Variants in IDH3G observed in about 807,000 individuals in gnomAD.
IDH3G encodes isocitrate dehydrogenase (NAD(+)) 3 non-catalytic subunit gamma, also known as isocitrate dehydrogenase [NAD] subunit gamma, mitochondrial.
Under a neutral mutation model 26.9 loss-of-function variants are expected in IDH3G, and 9 were observed. The ratio of observed to expected loss-of-function variants is 0.34; its 90% confidence interval spans 0.20 to 0.58. The LOEUF (loss-of-function observed/expected upper bound fraction) is 0.58, where lower values mean the gene tolerates loss of function less well. IDH3G is among the 20% of genes least tolerant of loss of function. The probability of loss-of-function intolerance (pLI) is 0.85; values close to 1 mark genes in which losing one functional copy is unlikely to be tolerated. For missense variants in IDH3G, 250 were observed against 372.8 expected (o/e 0.67, Z 2.71); for synonymous variants, 181 against 160.0 (o/e 1.13, Z -0.99).
intron 10 of IDH3G, 28 bp downstream of exon 10, chrX:153,786,773 A>T: frequency 8.4e-7 from 1 of 1,190,810 alleles, no homozygotes. Context: ...GAAAGGCGGC[A>T]AGCCGCGGCA....
At chrX:153,790,982 C>T in intron 1 of IDH3G, 131 bp from the exon 2 acceptor site, 1 of 541,891 alleles carries the variant, frequency 1.8e-6, no homozygotes, top group Non-Finnish European at 3.1e-6. Flanking sequence ...CTGCCAGGGG[C>T]ACAATAGATA....
At chrX:153,791,882 C>T (rs1218938810) in intron 1 of IDH3G, among the ~76,000 whole-genome samples, 1 of 112,330 alleles carries the variant, frequency 8.9e-6, no homozygotes, top group Non-Finnish European at 1.9e-5. Context: ...ACCAGAGCCC[C>T]GAGGATAGCT....
At chrX:153,794,094 C>A (rs2092122045) in intron 1 of IDH3G, 152 bp downstream of exon 1, 1 of 598,701 alleles carries the variant, frequency 1.7e-6, no homozygotes, top group South Asian at 3.2e-5. Flanking sequence ...CCCTCAGTGA[C>A]AGCGGAGGCG....
At position 153,786,342 on chromosome X, in the gene IDH3G, G is replaced by A. The variant is rs1045613358; in HGVS notation, c.1019+13C>T. 4.1e-6 allele frequency: 5 copies of A among 1,206,602 alleles called. No individual in the cohort carries two copies. The Admixed American group carries it at 1.1e-4, about 26-fold the overall frequency. ...GCTGGCCAGGGGCTTGCGGGGCACTGGGAGCCACTCACTTGAGGTGGTCCA... is the reference window on the plus strand; with the variant it reads ...GCTGGCCAGGGGCTTGCGGGGCACTAGGAGCCACTCACTTGAGGTGGTCCA... On this transcript the variant is annotated intron_variant, in intron 11 of 12. Coordinates refer to ENST00000217901, the MANE Select transcript of IDH3G (RefSeq NM_004135.4).
chrX:153,790,741 C>T (rs1021962500), intron 2 of IDH3G, 69 bp downstream of exon 2: 2 of 1,106,577 alleles, frequency 1.8e-6, no homozygotes, highest in Non-Finnish European at 2.5e-6. Flanking sequence ...GGACACAGGC[C>T]GTGCACACAC....
At chrX:153,786,146 G>A (rs782568517) in intron 12 of IDH3G, 66 bp downstream of exon 12, 22 of 1,200,767 alleles carry the variant, frequency 1.8e-5, no homozygotes, top group African/African-American at 7.0e-5. Context: ...TGCATGAGGC[G>A]GGCTACAGGA....
chrX:153,789,133 C>T (rs1557069841), intron 5 of IDH3G: 1 of 342,682 alleles, frequency 2.9e-6, no homozygotes, highest in Non-Finnish European at 5.9e-6. Context: ...AGCATCGCAG[C>T]GCAAACAGGC....
chrX:153,787,670 C>A, intron 7 of IDH3G, 73 bp from the exon 8 acceptor site: 3 of 1,161,750 alleles, frequency 2.6e-6, no homozygotes, highest in Non-Finnish European at 3.5e-6. Flanking sequence ...CTGGCGCGAC[C>A]GGGCCACCGT....
Position 153,787,129 on chromosome X carries a change from G to C in IDH3G, c.699C>G (p.Leu233=), listed in dbSNP as rs1353113492. ...NIMKLGDGLF[L]QCCREVAARY... ...GGGCTGCCACCTCCCTGCAGCACTG[G>C]AGGAAAAGCCCATCGCCCAGTTTCC... is the stretch of plus-strand genomic sequence containing the variant. Residue 233 remains leucine (L), a synonymous_variant, in exon 9 of 13, where the codon CTC becomes CTG. Coordinates refer to ENST00000217901, the MANE Select transcript of IDH3G (RefSeq NM_004135.4). The C allele has an allele frequency of 8.3e-6, 10 of 1,207,726 alleles. No homozygotes were observed. The highest frequency in any genetic ancestry group is 1.1e-5 in the Non-Finnish European group (10 of 892,813).
Position 153,787,530 on chromosome X carries a change from T to C in IDH3G, c.608A>G (p.Tyr203Cys). The change falls in exon 8 of 13, where the codon TAT (tyrosine) becomes TGT (cysteine). Residue 203 changes from tyrosine (Y) to cysteine (C), a missense_variant. Physicochemically the swap from Tyr to Cys is radical, Grantham distance 194. Transcript: ENST00000217901. ...TKAKSLRIAE[Y>C]AFKLAQESGR... is the part of the protein sequence containing the mutation. ...GCTCTCCTGCGCCAGCTTGAAGGCA[T>C]ACTCGGCAATGCGCAGGGACTTGGC... The C allele has an allele frequency of 1.7e-6, 2 of 1,211,346 alleles. No homozygotes were observed. The highest frequency in any genetic ancestry group is 2.2e-6 in the Non-Finnish European group (2 of 895,266).
At chrX:153,788,363 G>A (rs1381582844) in intron 5 of IDH3G, among the ~76,000 whole-genome samples, 5 of 112,918 alleles carry the variant, frequency 4.4e-5, no homozygotes, top group African/African-American at 1.6e-4. Flanking sequence ...ACGACGGAAT[G>A]AACAAGTCAA....
chrX:153,785,855 A>G lies in IDH3G; in HGVS notation c.*17T>C, dbSNP rs782658006. On this transcript the variant is annotated 3_prime_UTR_variant, in exon 13 of 13. Transcript: ENST00000217901. ...AGGGGAATCCAAGGAGCAAACCAAG[A>G]AGGTCCTAGGGCCAGCCTAGGCCTC... The G allele has an allele frequency of 4.1e-6, 5 of 1,207,372 alleles. No homozygotes were observed. The highest frequency in any genetic ancestry group is 4.5e-6 in the Non-Finnish European group (4 of 893,419).
intron 5 of IDH3G, among the ~76,000 whole-genome samples, chrX:153,788,665 G>A (rs1413306854): frequency 1.8e-5 from 2 of 113,015 alleles, no homozygotes; most frequent in African/African-American, 6.4e-5. Flanking sequence ...GTCAGAGGGC[G>A]CCAAGCAGAG....
chrX:153,789,216 T>G, intron 5 of IDH3G: 1 of 341,987 alleles, frequency 2.9e-6, no homozygotes, highest in South Asian at 2.6e-5. Flanking sequence ...ATCAGAGCCG[T>G]GGGGCCCCAC....
rs1557071361 is a variant in IDH3G at position 153,794,294 on chromosome X, G to A, written c.33C>T (p.Ser11=). 8.3e-7 allele frequency: 1 copy of A among 1,198,380 alleles called. No individual in the cohort carries two copies. Among genetic ancestry groups the A allele is most frequent in the Admixed American group, 2.2e-5 (1 of 45,777 alleles). ...CTGGCCCGAGCACCGCCTTCGCGGC[G>A]CTGCCGGCGACGGTCGCTACCTTCA... MALKVATVAG[S]AAKAVLGPAL... The change falls in exon 1 of 13, where the codon AGC becomes AGT. Residue 11 remains serine (S), a synonymous_variant. Coordinates refer to ENST00000217901, the MANE Select transcript of IDH3G (RefSeq NM_004135.4).
rs1464860671 is a variant in IDH3G, at chrX:153,785,863, A to G, written c.*9T>C. 1.7e-6 allele frequency: 2 copies of G among 1,208,920 alleles called. No homozygotes were observed. Among genetic ancestry groups the G allele is most frequent in the African/African-American group, 3.5e-5 (2 of 57,363 alleles). On this transcript the variant is annotated 3_prime_UTR_variant, in exon 13 of 13. Coordinates refer to ENST00000217901, the MANE Select transcript of IDH3G (RefSeq NM_004135.4). ...CCAAGGAGCAAACCAAGAAGGTCCT[A>G]GGGCCAGCCTAGGCCTCCACGGCCC...
At chrX:153,789,053 G>A (rs782052090) in intron 5 of IDH3G, 67 of 335,401 alleles carry the variant, frequency 2.0e-4, no homozygotes, top group Non-Finnish European at 3.6e-4. Context: ...GGGAAGGAGG[G>A]GTGGGAGGGA....
In IDH3G at chrX:153,786,872, C is replaced by A. The variant is rs1557069289; in HGVS notation, c.853G>T (p.Ala285Ser). Residue 285 changes from alanine to serine, a missense_variant, in exon 10 of 13, where the codon GCG becomes TCG. Physicochemically the swap from Ala to Ser is moderately conservative, Grantham distance 99. This residue lies in a region of IDH3G where 201 missense variants were observed against 331.3 expected (regional missense o/e 0.61). Coordinates refer to ENST00000217901, the MANE Select transcript of IDH3G (RefSeq NM_004135.4). ...LYGNIVNNVC[A>S]GLVGGPGLVA... is the part of the protein sequence containing the mutation. ...AGGCCTGGGCCCCCGACCAGTCCCGCGCAGACATTGTTGACGATGTTGCCA... is the reference window on the plus strand; with the variant it reads ...AGGCCTGGGCCCCCGACCAGTCCCGAGCAGACATTGTTGACGATGTTGCCA... 7 of 1,211,032 alleles carry A rather than the reference C, an allele frequency of 5.8e-6. No homozygotes were observed. The South Asian group carries it at 1.2e-4, about 21-fold the overall frequency.
At chrX:153,786,664 G>A (rs781798248) in intron 10 of IDH3G, 137 bp downstream of exon 10, 12 of 745,929 alleles carry the variant, frequency 1.6e-5, no homozygotes, top group African/African-American at 1.1e-4. Flanking sequence ...TGGTGGTGAC[G>A]GCAGTACAAC....
Sources: allele counts gnomAD v4.1 joint callset (sites outside exome capture counted in the v4.1 genomes callset), GRCh38; gene constraint gnomAD v4.1.1; regional missense constraint gnomAD v4.1.1; transcripts MANE v1.5; gene names NCBI Gene and HGNC (gene_info 2026-07-23, HGNC 2026-07-21).